SRD5A3: variants seen among roughly 807,000 people sequenced by gnomAD.
The protein encoded by SRD5A3 is polyprenal reductase.
A neutral mutation model predicts 34.3 loss-of-function variants in SRD5A3; 24 were observed. The ratio of observed to expected loss-of-function variants is 0.70; its 90% CI spans 0.51 to 0.99. The LOEUF (loss-of-function observed/expected upper bound fraction) is 0.99. Among genes scored for constraint, SRD5A3 ranks in the 50% least tolerant of loss-of-function variants. The probability of loss-of-function intolerance (pLI) is 0.00; values close to 1 mark genes in which losing one functional copy is unlikely to be tolerated. For synonymous variants in SRD5A3, 161 were observed against 167.3 expected (o/e 0.96, Z 0.29); for missense variants, 350 against 388.2 (o/e 0.90, Z 0.83).
At chr4:55,352,319 T>G (rs1719225583) in intron 1 of SRD5A3, 1 of 794,836 alleles carries the variant, frequency 1.3e-6, no homozygotes, top group Admixed American at 1.7e-5. Context: ...TTTTAGGTTT[T>G]AATTTATCCT....
At chr4:55,348,605 G>C (rs1266241657) in intron 1 of SRD5A3, among the ~76,000 whole-genome samples, 1 of 152,196 alleles carries the variant, frequency 6.6e-6, no homozygotes, top group Non-Finnish European at 1.5e-5. Flanking sequence ...TTTATAAATA[G>C]TAACCACCAT....
intron 3 of SRD5A3, chr4:55,366,503 C>T (rs1719903058): frequency 6.6e-6 from 1 of 152,110 alleles, no homozygotes; most frequent in Non-Finnish European, 1.5e-5. Context: ...AAAAATATAA[C>T]CTAGTAGTTA....
intron 1 of SRD5A3, among the ~76,000 whole-genome samples, chr4:55,356,700 TTTTA>T (rs71194543): frequency 0.19 from 29,408 of 151,386 alleles, 2,975 homozygotes; most frequent in South Asian, 0.23. Context: ...TAGAGGGATT[TTTTA>T]TTTATTTATT....
rs780320318 is a variant in SRD5A3 at position 55,367,593 on chromosome 4, A to C, written c.568A>C (p.Ile190Leu). 1 of 1,614,096 alleles carries C rather than the reference A, an allele frequency of 6.2e-7. No individual in the cohort carries two copies. The highest frequency in any genetic ancestry group is 8.5e-7 in the Non-Finnish European group (1 of 1,180,036). Reference sequence around the variant, plus strand: ...AACAATTCTCATTCCTATAGCCTACATAACAGGGAAAAATCTATTGATGCA... The same window carrying C: ...AACAATTCTCATTCCTATAGCCTACCTAACAGGGAAAAATCTATTGATGCA... Reference protein sequence around the residue: ...QVPMDGRNAYITGKNLLMQAR... With the variant: ...QVPMDGRNAYLTGKNLLMQAR... The change falls in exon 4 of 5, where the codon ATA (isoleucine) becomes CTA (leucine). Residue 190 changes from isoleucine to leucine, a missense_variant. Ile to Leu is a conservative substitution (Grantham distance 5). Coordinates refer to ENST00000264228, the MANE Select transcript of SRD5A3 (RefSeq NM_024592.5).
intron 3 of SRD5A3, among the ~76,000 whole-genome samples, chr4:55,365,902 T>C (rs919929219): frequency 1.3e-5 from 2 of 152,216 alleles, no homozygotes; most frequent in Admixed American, 1.3e-4. Context: ...ATCTGGCTCA[T>C]TGAGCTTCTC....
chr4:55,365,283 A>G (rs1443332447), intron 3 of SRD5A3, among the ~76,000 whole-genome samples: 1 of 152,150 alleles, frequency 6.6e-6, no homozygotes, highest in African/African-American at 2.4e-5. Flanking sequence ...CTCAGGTTAG[A>G]TTTTGGTATG....
At chr4:55,351,725 TA>T in intron 1 of SRD5A3, 1 of 416,172 alleles carries the variant, frequency 2.4e-6, no homozygotes, top group Non-Finnish European at 4.7e-6. Flanking sequence ...GTCAACAGAA[TA>T]ATAATTCATG....
Position 55,346,566 on chromosome 4 carries a change from G to T in SRD5A3, c.221+9G>T. On this transcript the variant is annotated intron_variant, in intron 1 of 4. Coordinates refer to ENST00000264228, the MANE Select transcript of SRD5A3 (RefSeq NM_024592.5). ...TTTGATGTCCCCAAGAGGTAACCGC[G>T]CCCCGGTCCCGAGCCGCGGTGGTCA... The T allele has an allele frequency of 1.3e-6, 2 of 1,571,328 alleles. No individual in the cohort carries two copies. Among genetic ancestry groups the T allele is most frequent in the Non-Finnish European group, 8.6e-7 (1 of 1,159,836 alleles).
chr4:55,360,024 A>G lies in SRD5A3; in HGVS notation c.364+536A>G, dbSNP rs563680715. On this transcript the variant is annotated intron_variant, in intron 2 of 4. Coordinates refer to ENST00000264228, the MANE Select transcript of SRD5A3 (RefSeq NM_024592.5). Reference sequence around the variant, plus strand: ...TCAGGAGATCGAGACCATCCTGGCTAACACGGTGAAACCCTGTCTCTACTA... The same window carrying G: ...TCAGGAGATCGAGACCATCCTGGCTGACACGGTGAAACCCTGTCTCTACTA... 1.0e-3 allele frequency among the ~76,000 whole-genome samples: 154 copies of G among 151,134 alleles called. 12 individuals are homozygous for G. Among genetic ancestry groups the G allele is most frequent in the Admixed American group, 3.3e-4 (5 of 15,118 alleles).
At chr4:55,351,342 G>C (rs1048271313) in intron 1 of SRD5A3, among the ~76,000 whole-genome samples, 2 of 152,024 alleles carry the variant, frequency 1.3e-5, no homozygotes, top group East Asian at 1.9e-4. Context: ...AAAGCGCCAG[G>C]ACCACAGGCA....
Position 55,364,072 on chromosome 4 carries a change from A to T in SRD5A3, c.365-2A>T. 2.5e-6 allele frequency: 4 copies of T among 1,614,212 alleles called. No individual in the cohort carries two copies. Among genetic ancestry groups the T allele is most frequent in the Non-Finnish European group, 3.4e-6 (4 of 1,180,016 alleles). On this transcript the variant is annotated splice_acceptor_variant, in intron 2 of 4. Transcript: ENST00000264228. LOFTEE classifies it high-confidence loss of function. ...CTGACCCTGTTGCCTTCTGAATTGT[A>T]GGAGGGGAGCTGGCACTGTCTGCAT...
rs772945405 is a variant in SRD5A3, at chr4:55,369,981, A to C, written c.847A>C (p.Asn283His). ...HNLTWWLVVTNVFFNQALSAF... is the reference protein window; with the variant it reads ...HNLTWWLVVTHVFFNQALSAF... ...CTTAACTTGGTGGCTAGTGGTGACA[A>C]ATGTCTTCTTTAATCAGGCCCTGTC... The change falls in exon 5 of 5, where the codon AAT becomes CAT. Residue 283 changes from asparagine (N) to histidine (H), a missense_variant. By Grantham distance (68) the Asn-to-His change is moderately conservative. Coordinates refer to ENST00000264228, the MANE Select transcript of SRD5A3 (RefSeq NM_024592.5). 1.2e-6 allele frequency: 2 copies of C among 1,614,150 alleles called. No homozygotes were observed. Among genetic ancestry groups the C allele is most frequent in the South Asian group, 2.2e-5 (2 of 91,074 alleles).
rs1460482726 is a variant in SRD5A3 at position 55,355,453 on chromosome 4, G to A, written c.222-3893G>A. Among the ~76,000 whole-genome samples, 13 of 147,520 alleles carry A rather than the reference G, an allele frequency of 8.8e-5. No individual in the cohort carries two copies. In the East Asian group the frequency reaches 1.2e-3, roughly 13 times the overall value. ...AGCCTGGGCAACAGAGCGAGACTCCGTCTGAAAAAAAAAAAAAAGAATAGA... is the reference window on the plus strand; with the variant it reads ...AGCCTGGGCAACAGAGCGAGACTCCATCTGAAAAAAAAAAAAAAGAATAGA... On this transcript the variant is annotated intron_variant, in intron 1 of 4. Transcript: ENST00000264228.
intron 1 of SRD5A3, among the ~76,000 whole-genome samples, chr4:55,358,357 C>A (rs1719548524): frequency 6.6e-6 from 1 of 151,844 alleles, no homozygotes; most frequent in Non-Finnish European, 1.5e-5. Flanking sequence ...ATAGGGAGAT[C>A]ACATCTCTAT....
intron 2 of SRD5A3, 81 bp from the exon 3 acceptor site, chr4:55,363,992 CT>C: frequency 7.2e-7 from 1 of 1,386,910 alleles, no homozygotes; most frequent in Non-Finnish European, 1.0e-6. Flanking sequence ...GGATTTAATA[CT>C]TTGCTTAACA....
intron 4 of SRD5A3, among the ~76,000 whole-genome samples, chr4:55,368,128 G>A (rs1289752919): frequency 6.6e-6 from 1 of 152,124 alleles, no homozygotes; most frequent in East Asian, 1.9e-4. Flanking sequence ...TGTAATTCCA[G>A]CACTTTGGGA....
At position 55,370,964 on chromosome 4, in the gene SRD5A3, A is replaced by G. The variant is rs1449473949; in HGVS notation, c.*873A>G. The G allele has an allele frequency of 1.3e-5, 2 of 152,194 alleles. No homozygotes were observed. Among genetic ancestry groups the G allele is most frequent in the Non-Finnish European group, 2.9e-5 (2 of 68,022 alleles). 9.4% of individuals were successfully genotyped at this position (152,194 alleles called of 1,614,324 possible). A position where few individuals can be genotyped will look rare whatever the true frequency, so the allele number is the denominator to read the frequency against. On this transcript the variant is annotated 3_prime_UTR_variant, in exon 5 of 5. Transcript: ENST00000264228. ...TTTGTTGGAGTTAGTTTATACTTTC[A>G]CATATCACCACAAAGATCTCCAGTT...
rs1553882951 is a variant in SRD5A3 at position 55,370,431 on chromosome 4, T to TCTCACACACACACA, written c.*341_*342insTCACACACACACAC. 9.0e-6 allele frequency: 2 copies of TCTCACACACACACA among 221,488 alleles called. No homozygotes were observed. The highest frequency in any genetic ancestry group is 5.0e-5 in the African/African-American group (2 of 40,342). 13.7% of individuals were successfully genotyped at this position (221,488 alleles called of 1,614,324 possible). A position where few individuals can be genotyped will look rare whatever the true frequency, so the allele number is the denominator to read the frequency against. On this transcript the variant is annotated 3_prime_UTR_variant, in exon 5 of 5. Coordinates refer to ENST00000264228, the MANE Select transcript of SRD5A3 (RefSeq NM_024592.5). ...AAAAACCGAAAATATACAAACAGCTTCACACACACACACACACACACACAC... is the reference window on the plus strand; with the variant it reads ...AAAAACCGAAAATATACAAACAGCTTCTCACACACACACACACACACACACACACACACACACAC...
At chr4:55,348,922 C>T (rs951815762) in intron 1 of SRD5A3, among the ~76,000 whole-genome samples, 6 of 152,196 alleles carry the variant, frequency 3.9e-5, no homozygotes, top group Non-Finnish European at 4.4e-5. Flanking sequence ...GGATTTATCC[C>T]AGATGGTAGC....
Sources: allele counts gnomAD v4.1 joint callset (sites outside exome capture counted in the v4.1 genomes callset), GRCh38; gene constraint gnomAD v4.1.1; transcripts MANE v1.5; gene names NCBI Gene and HGNC (gene_info 2026-07-23, HGNC 2026-07-21).